The following TASP1 variants were observed in gnomAD, a reference collection of about 807,000 sequenced individuals.
TASP1 encodes the protein taspase 1.
A neutral mutation model predicts 56.6 loss-of-function variants in TASP1; 16 were observed. The ratio of observed to expected loss-of-function variants is 0.28; its 90% CI spans 0.19 to 0.43. The LOEUF is 0.43. Among genes scored for constraint, TASP1 ranks in the 20% least tolerant of loss-of-function variants. The pLI is 1.00. For missense variants in TASP1, 393 were observed against 511.6 expected, an observed-to-expected ratio of 0.77 and a Z score of 2.24; for synonymous variants, 179 against 184.2, an observed-to-expected ratio of 0.97 and a Z score of 0.23.
At chr20:13,319,119 C>T in the TASP1 span, among the ~76,000 whole-genome samples, 2 of 151,888 alleles carry the variant, frequency 1.3e-5, no homozygotes, top group Non-Finnish European at 2.9e-5. Flanking sequence ...TCTATGGGGG[C>T]AGGGGATATT....
At chr20:13,227,634 G>T in the TASP1 span, among the ~76,000 whole-genome samples, 2 of 150,808 alleles carry the variant, frequency 1.3e-5, no homozygotes, top group Admixed American at 6.6e-5. Flanking sequence ...TCAGCCTCCC[G>T]GGTAGCTGGG....
chr20:13,532,509 C>G (rs562489459), intron 9 of TASP1, among the ~76,000 whole-genome samples: 1 of 152,270 alleles, frequency 6.6e-6, no homozygotes, highest in South Asian at 2.1e-4. Context: ...CCTTTTACTC[C>G]TTTCTTCCAC....
At chr20:13,348,989 T>G in the TASP1 span, among the ~76,000 whole-genome samples, 1 of 152,222 alleles carries the variant, frequency 6.6e-6, no homozygotes. Context: ...GCAGTACGGT[T>G]AACTTCAGCC....
chr20:13,244,226 TAA>T, the TASP1 span: 1 of 152,148 alleles, frequency 6.6e-6, no homozygotes, highest in African/African-American at 2.4e-5. Flanking sequence ...AAGGTCAAAC[TAA>T]AAGTCTACAA....
At chr20:13,228,439 G>A in the TASP1 span, among the ~76,000 whole-genome samples, 1 of 152,078 alleles carries the variant, frequency 6.6e-6, no homozygotes, top group Non-Finnish European at 1.5e-5. Context: ...GCAGTTGGCT[G>A]TCTTCTATCT....
the TASP1 span, among the ~76,000 whole-genome samples, chr20:13,285,519 C>G: frequency 1.4e-3 from 220 of 152,226 alleles, 2 homozygotes; most frequent in Non-Finnish European, 2.3e-3. Context: ...GGTCCCTCCC[C>G]CTCCAGGAGG....
intron 13 of TASP1, among the ~76,000 whole-genome samples, chr20:13,417,200 G>A (rs1265825334): frequency 6.6e-6 from 1 of 152,178 alleles, no homozygotes; most frequent in Non-Finnish European, 1.5e-5. Context: ...GAACAAGCTG[G>A]GGGCTGTGGG....
chr20:13,492,577 A>G (rs923897706), intron 10 of TASP1, among the ~76,000 whole-genome samples: 1 of 152,152 alleles, frequency 6.6e-6, no homozygotes, highest in African/African-American at 2.4e-5. Flanking sequence ...TATTATATAC[A>G]AGGGGAAAAC....
intron 7 of TASP1, among the ~76,000 whole-genome samples, chr20:13,561,313 T>C (rs1436504868): frequency 6.6e-6 from 1 of 152,098 alleles, no homozygotes. Flanking sequence ...TAAAAGCTAG[T>C]CTTACTGTAA....
the TASP1 span, among the ~76,000 whole-genome samples, chr20:13,117,027 A>C: frequency 2.0e-3 from 301 of 152,352 alleles, no homozygotes; most frequent in Non-Finnish European, 3.8e-3. Context: ...ATGATGTCTT[A>C]AATAAAGTTC....
the TASP1 span, among the ~76,000 whole-genome samples, chr20:13,176,737 A>T: frequency 1.1e-4 from 17 of 152,346 alleles, no homozygotes; most frequent in Non-Finnish European, 2.4e-4. Context: ...GAAAACTCTT[A>T]GAACTGATAA....
chr20:13,452,924 T>C (rs1211075539), intron 11 of TASP1, among the ~76,000 whole-genome samples: 1 of 152,122 alleles, frequency 6.6e-6, no homozygotes, highest in Admixed American at 6.6e-5. Context: ...CTACATGATC[T>C]GGACCTAGAG....
At chr20:13,521,660 T>A (rs1056272271) in intron 10 of TASP1, among the ~76,000 whole-genome samples, 9 of 151,204 alleles carry the variant, frequency 6.0e-5, no homozygotes, top group African/African-American at 2.2e-4. Flanking sequence ...AGGGATAGCA[T>A]TAGGAGATAT....
chr20:13,338,000 G>C, the TASP1 span, among the ~76,000 whole-genome samples: 9 of 152,176 alleles, frequency 5.9e-5, no homozygotes, highest in Non-Finnish European at 1.2e-4. Context: ...AGGGTTCTTG[G>C]ATCTTGTGCA....
chr20:13,327,780 C>T, the TASP1 span, among the ~76,000 whole-genome samples: 1 of 152,124 alleles, frequency 6.6e-6, no homozygotes, highest in African/African-American at 2.4e-5. Flanking sequence ...TGGACCCCTT[C>T]ACTACGCCAT....
chr20:13,304,034 A>G, the TASP1 span, among the ~76,000 whole-genome samples: 22 of 152,220 alleles, frequency 1.4e-4, no homozygotes, highest in African/African-American at 4.8e-4. Flanking sequence ...TGGCTCTGCC[A>G]CCATCAAGGT....
the TASP1 span, among the ~76,000 whole-genome samples, chr20:13,230,184 T>A: frequency 2.6e-5 from 4 of 152,216 alleles, no homozygotes; most frequent in East Asian, 7.7e-4. Context: ...CAATAACATT[T>A]TCCATATGTC....
At chr20:13,389,357 A>C (rs1156945749), downstream of TASP1, 2 of 152,228 alleles carry the variant, frequency 1.3e-5, no homozygotes, top group African/African-American at 4.8e-5. Flanking sequence ...TTCTGGGAGA[A>C]CATTTTATAA....
At chr20:13,515,462 C>A (rs1406738230) in intron 10 of TASP1, among the ~76,000 whole-genome samples, 1 of 149,352 alleles carries the variant, frequency 6.7e-6, no homozygotes, top group Non-Finnish European at 1.5e-5. Context: ...TGGGAGCTTG[C>A]GAAAATGTAG....
Sources: allele counts gnomAD v4.1 joint callset (sites outside exome capture counted in the v4.1 genomes callset), GRCh38; gene constraint gnomAD v4.1.1; transcripts MANE v1.5; gene names NCBI Gene and HGNC (gene_info 2026-07-23, HGNC 2026-07-21).